Variants in MAPK4 observed in about 807,000 individuals in gnomAD.
MAPK4 encodes mitogen-activated protein kinase 4.
Under a neutral mutation model 47.7 loss-of-function variants are expected in MAPK4, and 22 were observed. That is an observed-to-expected ratio of 0.46 (90% CI 0.33 to 0.66). The LOEUF is 0.66. Among genes scored for constraint, MAPK4 ranks in the 30% least tolerant of loss-of-function variants. The pLI is 0.02. For missense variants in MAPK4, 736 were observed against 831.7 expected, an observed-to-expected ratio of 0.88 and a Z score of 1.42; for synonymous variants, 390 against 365.7, an observed-to-expected ratio of 1.07 and a Z score of -0.76.
chr18:50,729,655 C>T lies in MAPK4; in HGVS notation c.1565C>T (p.Pro522Leu). The T allele has an allele frequency of 3.3e-6, 5 of 1,520,340 alleles. No individual in the cohort carries two copies. Among genetic ancestry groups the T allele is most frequent in the Non-Finnish European group, 4.4e-6 (5 of 1,131,704 alleles). The allele number at this position is 1,520,340 out of a possible 1,614,324, so 94.2% of individuals were successfully genotyped here. The change falls in exon 6 of 6, where the codon CCC (proline) becomes CTC (leucine). Residue 522 changes from proline (P) to leucine (L), a missense_variant. By Grantham distance (98) the Pro-to-Leu change is moderately conservative (BLOSUM62 -3). Transcript: ENST00000400384. ...DDPERRLSAS[P>L]PGRPAPVDGG... Reference sequence around the variant, plus strand: ...CCCGAGCGCCGCTTGTCTGCCTCGCCCCCCGGCCGCCCGGCCCCGGTGGAC... The same window carrying T: ...CCCGAGCGCCGCTTGTCTGCCTCGCTCCCCGGCCGCCCGGCCCCGGTGGAC...
In MAPK4 at chr18:50,664,208, C is replaced by T. The variant is rs1907461601; in HGVS notation, c.250C>T (p.Leu84Phe). The T allele has an allele frequency of 6.2e-7, 1 of 1,613,940 alleles. No homozygotes were observed. The highest frequency in any genetic ancestry group is 1.3e-5 in the African/African-American group (1 of 74,926). ...HDNIVKVYEV[L>F]GPKGTDLQGE... ...CAACATCGTCAAAGTGTACGAGGTGCTCGGTCCCAAGGGCACTGACCTGCA... is the reference window on the plus strand; with the variant it reads ...CAACATCGTCAAAGTGTACGAGGTGTTCGGTCCCAAGGGCACTGACCTGCA... The change falls in exon 2 of 6, where the codon CTC (leucine) becomes TTC (phenylalanine). Residue 84 changes from leucine to phenylalanine, a missense_variant. Coordinates refer to ENST00000400384, the MANE Select transcript of MAPK4 (RefSeq NM_002747.4). The surrounding 1 kb of genome is among the most constrained non-coding windows in gnomAD (Gnocchi z 6.0).
chr18:50,725,777 G>A (rs1313379638), intron 4 of MAPK4, among the ~76,000 whole-genome samples, 185 bp from the exon 5 acceptor site: 2 of 152,218 alleles, frequency 1.3e-5, no homozygotes, highest in East Asian at 3.9e-4. Flanking sequence ...AAATCTAGAA[G>A]GCAGCATCTG....
Position 50,721,273 on chromosome 18 carries a change from T to C in MAPK4, c.692-665T>C, listed in dbSNP as rs150572524. Among the ~76,000 whole-genome samples, 900 of 152,254 alleles carry C rather than the reference T, an allele frequency of 5.9e-3. 6 individuals carry two copies. Among genetic ancestry groups the C allele is most frequent in the Non-Finnish European group, 7.2e-3 (489 of 67,994 alleles). On this transcript the variant is annotated intron_variant, in intron 3 of 5. Coordinates refer to ENST00000400384, the MANE Select transcript of MAPK4 (RefSeq NM_002747.4). ...ACTATGCCTCACCGATTCCCAGCAG[T>C]CAGCGTGATGCCTGGCATGGAGAAG... is the stretch of plus-strand genomic sequence containing the variant.
chr18:50,615,684 A>C (rs2042678851), intron 1 of MAPK4, among the ~76,000 whole-genome samples: 1 of 152,244 alleles, frequency 6.6e-6, no homozygotes, highest in African/African-American at 2.4e-5. Context: ...GACAACTGGT[A>C]ATCTTTGCCA....
chr18:50,682,935 T>G (rs1356093174), intron 2 of MAPK4, among the ~76,000 whole-genome samples: 1 of 152,220 alleles, frequency 6.6e-6, no homozygotes, highest in Non-Finnish European at 1.5e-5. Flanking sequence ...CAGATGTATC[T>G]CAGGAGAGTT....
At chr18:50,716,002 A>G (rs761453555) in intron 3 of MAPK4, among the ~76,000 whole-genome samples, 1 of 152,182 alleles carries the variant, frequency 6.6e-6, no homozygotes, top group Non-Finnish European at 1.5e-5. Flanking sequence ...TTCTCTGCTT[A>G]GAAAACTCCT....
At chr18:50,656,899 A>G (rs112808557) in intron 1 of MAPK4, among the ~76,000 whole-genome samples, 5,294 of 151,768 alleles carry the variant, frequency 0.035, 138 homozygotes, top group Non-Finnish European at 0.052. Flanking sequence ...AGCCTCAAGT[A>G]AAAAAAAATG....
At chr18:50,693,360 G>T (rs1416569043) in intron 2 of MAPK4, among the ~76,000 whole-genome samples, 5 of 152,118 alleles carry the variant, frequency 3.3e-5, no homozygotes. Context: ...TCATCATGTG[G>T]TTGTCAAATC....
Position 50,618,875 on chromosome 18 carries a change from G to A in MAPK4, c.-870-44214G>A, listed in dbSNP as rs530126166. Among the ~76,000 whole-genome samples the A allele has an allele frequency of 3.9e-5, 6 of 152,068 alleles. No individual in the cohort carries two copies. The South Asian group carries it at 8.3e-4, about 21-fold the overall frequency. On this transcript the variant is annotated intron_variant, in intron 1 of 5. Transcript: ENST00000400384. ...AAGAGAAAATGCAGACTGTGCCCCCGAGAATACTATCTGAAAGTCAGTATG... is the reference window on the plus strand; with the variant it reads ...AAGAGAAAATGCAGACTGTGCCCCCAAGAATACTATCTGAAAGTCAGTATG...
intron 1 of MAPK4, among the ~76,000 whole-genome samples, chr18:50,619,809 T>G (rs956764956): frequency 1.3e-5 from 2 of 152,390 alleles, no homozygotes; most frequent in South Asian, 4.1e-4. Context: ...TTACCAAAGC[T>G]AAGCCAAATT....
At position 50,589,488 on chromosome 18, in the gene MAPK4, C is replaced by T. The variant is rs905671832; in HGVS notation, c.-871+29245C>T. Among the ~76,000 whole-genome samples the T allele has an allele frequency of 1.5e-4, 22 of 150,800 alleles. 1 individual carries two copies. Among genetic ancestry groups the T allele is most frequent in the Non-Finnish European group, 2.4e-4 (16 of 67,848 alleles). On this transcript the variant is annotated intron_variant, in intron 1 of 5. Transcript: ENST00000400384. ...GCGGGCGCCTGTAGTCCCAGCTACT[C>T]GGGAGGCTGAGGCAGGAGAATGGCG...
chr18:50,657,361 G>A (rs527869551), intron 1 of MAPK4, among the ~76,000 whole-genome samples: 8 of 152,300 alleles, frequency 5.3e-5, no homozygotes, highest in Admixed American at 1.3e-4. Flanking sequence ...ACCAGGGAGC[G>A]CTATTGGCAT....
At chr18:50,660,142 T>C (rs1333355007) in intron 1 of MAPK4, among the ~76,000 whole-genome samples, 1 of 152,022 alleles carries the variant, frequency 6.6e-6, no homozygotes, top group African/African-American at 2.4e-5. Context: ...TACAGAGGAA[T>C]TGGAAAGAAT....
chr18:50,707,569 CAA>C (rs11419022), intron 2 of MAPK4, among the ~76,000 whole-genome samples: 1,286 of 72,458 alleles, frequency 0.018, 8 homozygotes, highest in Non-Finnish European at 0.025. Context: ...GCCTCTGTCT[CAA>C]AAAAAAAAAA....
chr18:50,568,031 C>T (rs1054135569), intron 1 of MAPK4, among the ~76,000 whole-genome samples: 3 of 151,768 alleles, frequency 2.0e-5, no homozygotes, highest in Admixed American at 2.0e-4. Flanking sequence ...CCCGTCTCTA[C>T]TAAAAATACA....
At chr18:50,650,365 A>G (rs1356960290) in intron 1 of MAPK4, among the ~76,000 whole-genome samples, 1 of 124,652 alleles carries the variant, frequency 8.0e-6, no homozygotes, top group East Asian at 2.3e-4. Flanking sequence ...TCCTCTCCCT[A>G]GCTCCTCCTG....
chr18:50,561,351 C>A (rs145077273), intron 1 of MAPK4, among the ~76,000 whole-genome samples: 2,376 of 152,290 alleles, frequency 0.016, 26 homozygotes, highest in Middle Eastern at 0.031. Flanking sequence ...TCTTAAATAA[C>A]CTTAATGTAA....
At chr18:50,592,179 C>T (rs906067842) in intron 1 of MAPK4, among the ~76,000 whole-genome samples, 1 of 152,116 alleles carries the variant, frequency 6.6e-6, no homozygotes, top group Non-Finnish European at 1.5e-5. Context: ...ATTGGGAACT[C>T]TAGAGGCTCA....
chr18:50,674,414 G>T (rs1908144439), intron 2 of MAPK4, among the ~76,000 whole-genome samples: 1 of 152,144 alleles, frequency 6.6e-6, no homozygotes, highest in African/African-American at 2.4e-5. Flanking sequence ...GCATCGCATT[G>T]CTGTGATGAT....
Sources: gnomAD v4.1 joint callset for allele counts (sites outside exome capture counted in the v4.1 genomes callset) on GRCh38, gnomAD v4.1.1 for gene constraint, Gnocchi (gnomAD v3.1) non-coding constraint, MANE v1.5 for transcripts, NCBI Gene and HGNC (gene_info 2026-07-23, HGNC 2026-07-21) for gene names.